Variants in SYNPR observed in about 807,000 individuals in gnomAD.
SYNPR encodes synaptoporin.
Under a neutral mutation model 32.9 loss-of-function variants are expected in SYNPR, and 23 were observed. The observed-to-expected ratio is 0.70, with a 90% CI of 0.50 to 0.99. The LOEUF (loss-of-function observed/expected upper bound fraction) is 0.99, where lower values mean the gene tolerates loss of function less well. Among genes scored for constraint, SYNPR ranks in the 50% least tolerant of loss-of-function variants. The probability of loss-of-function intolerance (pLI) is 0.00; values close to 1 mark genes in which losing one functional copy is unlikely to be tolerated. For missense variants in SYNPR, 318 were observed against 349.3 expected (o/e 0.91, Z 0.71); for synonymous variants, 146 against 135.9 (o/e 1.07, Z -0.52).
At chr3:63,424,031 T>A (rs1699848670) in intron 2 of SYNPR, among the ~76,000 whole-genome samples, 1 of 152,178 alleles carries the variant, frequency 6.6e-6, no homozygotes, top group African/African-American at 2.4e-5. Context: ...TGAATAAATG[T>A]AATGTGGTAT....
At chr3:63,433,426 A>G (rs971465836) in intron 2 of SYNPR, among the ~76,000 whole-genome samples, 1 of 152,200 alleles carries the variant, frequency 6.6e-6, no homozygotes, top group Non-Finnish European at 1.5e-5. Context: ...CTGAAGAAAG[A>G]AAACTGGTTT....
intron 2 of SYNPR, among the ~76,000 whole-genome samples, chr3:63,472,456 A>G (rs1700820934): frequency 6.6e-6 from 1 of 152,180 alleles, no homozygotes; most frequent in Non-Finnish European, 1.5e-5. Context: ...GACACAGAAA[A>G]CTAAATATAA....
intron 2 of SYNPR, among the ~76,000 whole-genome samples, chr3:63,480,428 CA>C (rs1701023194): frequency 6.6e-6 from 1 of 152,088 alleles, no homozygotes; most frequent in South Asian, 2.1e-4. Context: ...AAAATAAAGA[CA>C]AACAAAGAGA....
chr3:63,347,409 C>G (rs972048343), intron 2 of SYNPR, among the ~76,000 whole-genome samples: 33 of 152,268 alleles, frequency 2.2e-4, no homozygotes, highest in African/African-American at 7.5e-4. Flanking sequence ...CCTGTTTATT[C>G]TTTGTCTGAA....
At chr3:63,227,190 T>C (rs149318842), upstream of SYNPR, among the ~76,000 whole-genome samples, 1 of 152,330 alleles carries the variant, frequency 6.6e-6, no homozygotes, top group Non-Finnish European at 1.5e-5. Context: ...TATCCCACAG[T>C]CTGTTAGTGA....
chr3:63,393,871 A>G (rs938109769), intron 2 of SYNPR, among the ~76,000 whole-genome samples: 7 of 152,132 alleles, frequency 4.6e-5, no homozygotes, highest in Non-Finnish European at 1.0e-4. Context: ...TGAATAATAA[A>G]TGGTATTCTC....
chr3:63,310,120 C>A (rs2086948904), intron 2 of SYNPR, among the ~76,000 whole-genome samples: 1 of 151,950 alleles, frequency 6.6e-6, no homozygotes, highest in Admixed American at 6.6e-5. Context: ...CTCCCCACCC[C>A]AGAATCCCTC....
intron 2 of SYNPR, among the ~76,000 whole-genome samples, chr3:63,310,447 A>G (rs2086952836): frequency 1.3e-5 from 2 of 152,006 alleles, no homozygotes; most frequent in Admixed American, 6.6e-5. Flanking sequence ...GGCAATTTTG[A>G]TCTTTAAAAA....
At chr3:63,301,522 T>G (rs1038763789) in intron 2 of SYNPR, among the ~76,000 whole-genome samples, 1 of 152,132 alleles carries the variant, frequency 6.6e-6, no homozygotes, top group South Asian at 2.1e-4. Context: ...ATTGAGTTGA[T>G]GTCTACATCA....
the SYNPR span, among the ~76,000 whole-genome samples, chr3:63,208,149 A>G: frequency 6.6e-6 from 1 of 152,190 alleles, no homozygotes; most frequent in Non-Finnish European, 1.5e-5. Context: ...TAACTTCCAG[A>G]ATATACATCT....
intron 3 of SYNPR, among the ~76,000 whole-genome samples, chr3:63,524,590 C>T (rs914470933): frequency 1.3e-5 from 2 of 152,116 alleles, no homozygotes; most frequent in African/African-American, 2.4e-5. Context: ...ATGACCCTTT[C>T]GCCCTGATGC....
At chr3:63,300,690 A>G (rs1385916554) in intron 2 of SYNPR, among the ~76,000 whole-genome samples, 1 of 152,084 alleles carries the variant, frequency 6.6e-6, no homozygotes, top group African/African-American at 2.4e-5. Flanking sequence ...ACAAAAGCCT[A>G]GCTTCCTTGC....
At chr3:63,598,049 A>G (rs1388114517) in intron 4 of SYNPR, among the ~76,000 whole-genome samples, 1 of 152,202 alleles carries the variant, frequency 6.6e-6, no homozygotes, top group African/African-American at 2.4e-5. Flanking sequence ...GAACTGTCCA[A>G]TTTCTAGTGT....
intron 4 of SYNPR, among the ~76,000 whole-genome samples, chr3:63,584,631 G>A (rs183254075): frequency 2.0e-5 from 3 of 152,176 alleles, no homozygotes; most frequent in East Asian, 1.9e-4. Context: ...GGTTGAAATC[G>A]GGTCCGTGGG....
intron 2 of SYNPR, among the ~76,000 whole-genome samples, chr3:63,468,194 CAA>C (rs552378431): frequency 0.057 from 4,629 of 80,830 alleles, 188 homozygotes; most frequent in African/African-American, 0.18. Context: ...AACTCCATCT[CAA>C]AAAAAAAAAA....
intron 2 of SYNPR, among the ~76,000 whole-genome samples, chr3:63,280,574 C>T (rs17302522): frequency 0.12 from 17,981 of 152,024 alleles, 1,162 homozygotes; most frequent in Non-Finnish European, 0.15. Context: ...TCAATGAAGA[C>T]TTTTCTCGTA....
At chr3:63,595,786 G>GTTTTATATATATATAATT (rs1491171066) in intron 4 of SYNPR, among the ~76,000 whole-genome samples, 2 of 20,458 alleles carry the variant, frequency 9.8e-5, no homozygotes, top group African/African-American at 3.4e-4. Context: ...TATATATATA[G>GTTTTATATATATATAATT]TTATATATAT....
At chr3:63,601,163 T>C (rs1366529381) in intron 4 of SYNPR, among the ~76,000 whole-genome samples, 6 of 151,904 alleles carry the variant, frequency 3.9e-5, no homozygotes, top group Non-Finnish European at 1.5e-5. Flanking sequence ...TCTCAGCTAC[T>C]TGGGAAGGCT....
chr3:63,356,580 G>A (rs570478010), intron 2 of SYNPR, among the ~76,000 whole-genome samples: 16 of 152,198 alleles, frequency 1.1e-4, no homozygotes, highest in Middle Eastern at 3.4e-3. Context: ...TCCCAGACTG[G>A]GTCAGTGCCC....
Sources: allele counts gnomAD v4.1 joint callset (sites outside exome capture counted in the v4.1 genomes callset), GRCh38; gene constraint gnomAD v4.1.1; transcripts MANE v1.5; gene names NCBI Gene and HGNC (gene_info 2026-07-23, HGNC 2026-07-21).